The following TRMT1L variants were observed in gnomAD, a reference collection of about 807,000 sequenced individuals.
TRMT1L encodes the protein tRNA (guanine(27)-N(2))-dimethyltransferase.
Under a neutral mutation model 81.6 loss-of-function variants are expected in TRMT1L, and 28 were observed. That is an observed-to-expected ratio of 0.34 (90% CI 0.25 to 0.47). The LOEUF (loss-of-function observed/expected upper bound fraction) is 0.47. Among genes scored for constraint, TRMT1L ranks in the 20% least tolerant of loss-of-function variants. TRMT1L has a pLI of 1.00. For missense variants in TRMT1L, 739 were observed against 877.1 expected (o/e 0.84, Z 1.99); for synonymous variants, 301 against 303.2 (o/e 0.99, Z 0.07).
Position 185,118,738 on chromosome 1 carries a change from A to G in TRMT1L, c.*1281T>C, listed in dbSNP as rs959287433. 1 of 152,098 alleles carries G rather than the reference A, an allele frequency of 6.6e-6. No homozygotes were observed. Among genetic ancestry groups the G allele is most frequent in the Non-Finnish European group, 1.5e-5 (1 of 68,004 alleles). 9.4% of individuals were successfully genotyped at this position (152,098 alleles called of 1,614,324 possible). A position where few individuals can be genotyped will look rare whatever the true frequency, so the allele number is the denominator to read the frequency against. On this transcript the variant is annotated 3_prime_UTR_variant, in exon 15 of 15. Transcript: ENST00000367506. ...GGGAATACGCTGTACTAGCACGAAG[A>G]GATTTTCCTTCATTTCTGCAAAATT...
chr1:185,152,369 C>T lies in TRMT1L; in HGVS notation c.236-434G>A, dbSNP rs150557865. On this transcript the variant is annotated intron_variant, in intron 1 of 14. Transcript: ENST00000367506. ...AACTGAAGTAACCTCATGAACAAAT[C>T]CATGTGTAGAAAACATACAACCATG... is the stretch of plus-strand genomic sequence containing the variant. Among the ~76,000 whole-genome samples, 1,343 of 152,284 alleles carry T rather than the reference C, an allele frequency of 8.8e-3. 27 individuals are homozygous for T. Among genetic ancestry groups the T allele is most frequent in the South Asian group, 0.055 (264 of 4,828 alleles).
intron 10 of TRMT1L, among the ~76,000 whole-genome samples, chr1:185,135,189 G>GCCGCCCAGCT (rs1447036502): frequency 6.6e-6 from 1 of 152,122 alleles, no homozygotes; most frequent in Non-Finnish European, 1.5e-5. Context: ...GCCAAGGCGG[G>GCCGCCCAGCT]CGGATTGCCT....
At chr1:185,132,276 G>A (rs1557986562) in intron 10 of TRMT1L, among the ~76,000 whole-genome samples, 1 of 152,074 alleles carries the variant, frequency 6.6e-6, no homozygotes, top group Non-Finnish European at 1.5e-5. Context: ...CCAGCACTTT[G>A]GGAGGCCAAG....
chr1:185,119,854 G>T lies in TRMT1L; in HGVS notation c.*165C>A. 1.2e-6 allele frequency: 1 copy of T among 836,540 alleles called. No homozygotes were observed. Among genetic ancestry groups the T allele is most frequent in the Non-Finnish European group, 1.7e-6 (1 of 581,564 alleles). The allele number at this position is 836,540 out of a possible 1,614,324, so 51.8% of individuals were successfully genotyped here. ...AACAAAAAAAAACTTGGAAAGCAAAGCTCCCAAACCAGCTAAGTTAGAAAC... is the reference window on the plus strand; with the variant it reads ...AACAAAAAAAAACTTGGAAAGCAAATCTCCCAAACCAGCTAAGTTAGAAAC... On this transcript the variant is annotated 3_prime_UTR_variant, in exon 15 of 15. Coordinates refer to ENST00000367506, the MANE Select transcript of TRMT1L (RefSeq NM_030934.5).
In TRMT1L at chr1:185,147,815, C is replaced by T. The variant is rs369863414; in HGVS notation, c.461-569G>A. 3.9e-5 allele frequency among the ~76,000 whole-genome samples: 6 copies of T among 152,220 alleles called. No individual in the cohort carries two copies. The East Asian group carries it at 1.2e-3, about 29-fold the overall frequency. ...CTTTCACAATTCCAATTAAAGGAAT[C>T]CCAAATTAAAGCTCTAGGTACTAAT... On this transcript the variant is annotated intron_variant, in intron 3 of 14. Coordinates refer to ENST00000367506, the MANE Select transcript of TRMT1L (RefSeq NM_030934.5).
intron 10 of TRMT1L, among the ~76,000 whole-genome samples, chr1:185,135,751 A>T (rs1212395134): frequency 6.6e-6 from 1 of 152,088 alleles, no homozygotes; most frequent in Non-Finnish European, 1.5e-5. Flanking sequence ...ATTATTTTTG[A>T]AGGGAGTAAA....
At chr1:185,150,659 T>C (rs544176166) in intron 2 of TRMT1L, among the ~76,000 whole-genome samples, 167 bp from the exon 3 acceptor site, 118 of 152,322 alleles carry the variant, frequency 7.7e-4, no homozygotes, top group African/African-American at 2.7e-3. Flanking sequence ...ACAGTAATTG[T>C]TGCAGCACAT....
intron 10 of TRMT1L, among the ~76,000 whole-genome samples, chr1:185,132,632 A>C (rs897762309): frequency 3.3e-5 from 5 of 152,016 alleles, no homozygotes; most frequent in Non-Finnish European, 7.4e-5. Flanking sequence ...ATTATCTCAA[A>C]ATTATTTTAG....
At chr1:185,140,679 TA>T (rs926664277) in intron 7 of TRMT1L, among the ~76,000 whole-genome samples, 261 of 144,334 alleles carry the variant, frequency 1.8e-3, no homozygotes, top group Admixed American at 1.8e-3. Context: ...TGTTGTGAAT[TA>T]AAAAAAAAAA....
At chr1:185,125,772 A>G (rs1468195094) in intron 11 of TRMT1L, among the ~76,000 whole-genome samples, 2 of 152,240 alleles carry the variant, frequency 1.3e-5, no homozygotes, top group Non-Finnish European at 2.9e-5. Context: ...AGGATATACC[A>G]AAATATAATA....
At chr1:185,121,099 T>TAA (rs1652489774) in intron 13 of TRMT1L, among the ~76,000 whole-genome samples, 1 of 152,206 alleles carries the variant, frequency 6.6e-6, no homozygotes, top group Admixed American at 6.5e-5. Flanking sequence ...TCACAGCACT[T>TAA]AGTTTTTTCA....
intron 2 of TRMT1L, 96 bp downstream of exon 2, chr1:185,151,729 T>G: frequency 1.3e-6 from 1 of 778,216 alleles, no homozygotes; most frequent in Non-Finnish European, 2.0e-6. Flanking sequence ...TCAGTAAGAA[T>G]AAACAAGTCT....
intron 3 of TRMT1L, among the ~76,000 whole-genome samples, chr1:185,147,933 C>T (rs762199073): frequency 2.0e-5 from 3 of 152,180 alleles, no homozygotes; most frequent in Non-Finnish European, 4.4e-5. Flanking sequence ...CTTGTCAAGA[C>T]TAAACTGGTA....
intron 9 of TRMT1L, among the ~76,000 whole-genome samples, 161 bp downstream of exon 9, chr1:185,139,206 A>G (rs1470057109): frequency 6.6e-6 from 1 of 152,238 alleles, no homozygotes; most frequent in African/African-American, 2.4e-5. Flanking sequence ...TTTAAATAAA[A>G]TTACAACAGA....
Position 185,156,670 on chromosome 1 carries a change from C to T in TRMT1L, c.43G>A (p.Glu15Lys). 6.2e-7 allele frequency: 1 copy of T among 1,612,178 alleles called. No homozygotes were observed. The highest frequency in any genetic ancestry group is 8.5e-7 in the Non-Finnish European group (1 of 1,179,594). Residue 15 changes from glutamate to lysine, a missense_variant, in exon 1 of 15, where the codon GAG becomes AAG. Glu to Lys is a moderately conservative substitution (Grantham distance 56, BLOSUM62 1). Coordinates refer to ENST00000367506, the MANE Select transcript of TRMT1L (RefSeq NM_030934.5). ...TGGACCTGGGCCACCTCCACCTCCT[C>T]CTTCTCCAGGGGCAGCAGCTCCTCC... is the stretch of plus-strand genomic sequence containing the variant. ...AEEELLPLEK[E>K]EVEVAQVQVP...
chr1:185,155,904 T>G (rs1288843994), intron 1 of TRMT1L, among the ~76,000 whole-genome samples: 2 of 152,218 alleles, frequency 1.3e-5, no homozygotes, highest in Admixed American at 6.5e-5. Context: ...TCCGTAAATT[T>G]AGTCGACTCT....
intron 13 of TRMT1L, among the ~76,000 whole-genome samples, chr1:185,121,344 G>A (rs1218918788): frequency 1.3e-5 from 2 of 152,006 alleles, no homozygotes; most frequent in African/African-American, 2.4e-5. Flanking sequence ...CTGTGTAACT[G>A]GGACCCAAGT....
intron 10 of TRMT1L, among the ~76,000 whole-genome samples, chr1:185,135,437 AAAAC>A (rs1330258068): frequency 4.6e-5 from 7 of 151,752 alleles, no homozygotes; most frequent in African/African-American, 1.7e-4. Context: ...AAAAGAAAGA[AAAAC>A]AAACAATTAC....
chr1:185,153,485 TA>T (rs1653416893), intron 1 of TRMT1L, among the ~76,000 whole-genome samples: 1 of 152,114 alleles, frequency 6.6e-6, no homozygotes, highest in African/African-American at 2.4e-5. Flanking sequence ...CAACACTGAA[TA>T]TCACAAACAG....
Sources: allele counts gnomAD v4.1 joint callset (sites outside exome capture counted in the v4.1 genomes callset), GRCh38; gene constraint gnomAD v4.1.1; transcripts MANE v1.5; gene names NCBI Gene and HGNC (gene_info 2026-07-23, HGNC 2026-07-21).